Variants in PALS2 observed in about 807,000 individuals in gnomAD.
PALS2 encodes protein PALS2.
In PALS2, 27 loss-of-function variants were observed where a neutral mutation model predicts 61.6. That is an observed-to-expected ratio of 0.44 (90% CI 0.32 to 0.60). The LOEUF (loss-of-function observed/expected upper bound fraction) is 0.60, where lower values mean the gene tolerates loss of function less well. PALS2 is among the 20% of genes least tolerant of loss of function. PALS2 has a pLI of 0.05. For missense variants in PALS2, 554 were observed against 639.4 expected, an observed-to-expected ratio of 0.87 and a Z score of 1.44; for synonymous variants, 236 against 218.6, an observed-to-expected ratio of 1.08 and a Z score of -0.70.
At chr7:24,649,856 A>G in intron 4 of PALS2, 92 bp downstream of exon 4, 1 of 1,221,132 alleles carries the variant, frequency 8.2e-7, no homozygotes, top group Non-Finnish European at 1.1e-6. Context: ...TTTCCTTTTC[A>G]TAATGTTATG....
chr7:24,626,443 C>T (rs1223781199), intron 2 of PALS2, among the ~76,000 whole-genome samples: 2 of 151,966 alleles, frequency 1.3e-5, no homozygotes, highest in Non-Finnish European at 2.9e-5. Context: ...CACTTTATTC[C>T]CCTTTGCAGT....
chr7:24,609,134 A>G (rs1332713614), intron 1 of PALS2, among the ~76,000 whole-genome samples: 1 of 152,130 alleles, frequency 6.6e-6, no homozygotes, highest in African/African-American at 2.4e-5. Flanking sequence ...GCTGTCACTG[A>G]TGTTTTCTTC....
At position 24,638,335 on chromosome 7, in the gene PALS2, T is replaced by C. The variant is rs1234095105; in HGVS notation, c.118-3381T>C. Among the ~76,000 whole-genome samples the C allele has an allele frequency of 0.017, 141 of 8,514 alleles. 54 individuals carry two copies. The African/African-American group carries it at 0.36, about 22-fold the overall frequency. The allele number at this position is 8,514 out of a possible 152,430, so 5.6% of individuals were successfully genotyped here. On this transcript the variant is annotated intron_variant, in intron 2 of 11. Coordinates refer to ENST00000222644, the MANE Select transcript of PALS2 (RefSeq NM_001303037.2). ...TTTCTGTATTTTCTTTTTTTTTTTT[T>C]TTTTTTTTTTTTTGAGACGGAGTCT... is the stretch of plus-strand genomic sequence containing the variant.
intron 1 of PALS2, among the ~76,000 whole-genome samples, chr7:24,586,400 T>C (rs1001127428): frequency 3.9e-5 from 6 of 152,232 alleles, no homozygotes; most frequent in Non-Finnish European, 8.8e-5. Context: ...AGCTCTAAAA[T>C]TTTGATTCTG....
In PALS2 at chr7:24,596,298, G is replaced by A. The variant is rs755868007; in HGVS notation, c.-3+22705G>A. Among the ~76,000 whole-genome samples the A allele has an allele frequency of 2.6e-5, 4 of 152,040 alleles. No individual in the cohort carries two copies. The highest frequency in any genetic ancestry group is 4.1e-4 in the South Asian group (2 of 4,820). Reference sequence around the variant, plus strand: ...AGTGAATGGGCAAGGGAGTCAGATGGCTTTTCTTCAGTCACCTCCATTGTG... The same window carrying A: ...AGTGAATGGGCAAGGGAGTCAGATGACTTTTCTTCAGTCACCTCCATTGTG... On this transcript the variant is annotated intron_variant, in intron 1 of 11. Transcript: ENST00000222644. This position sits in a 1 kb window ranked among gnomAD's most constrained non-coding sequence, Gnocchi z 4.5.
intron 9 of PALS2, among the ~76,000 whole-genome samples, chr7:24,669,462 C>G (rs1255709605): frequency 6.6e-6 from 1 of 152,146 alleles, no homozygotes; most frequent in African/African-American, 2.4e-5. Flanking sequence ...TACTTGTGAA[C>G]TTAGATGTTC....
intron 1 of PALS2, among the ~76,000 whole-genome samples, chr7:24,585,367 G>A (rs1244387199): frequency 1.3e-5 from 2 of 152,074 alleles, no homozygotes; most frequent in Non-Finnish European, 1.5e-5. Flanking sequence ...TCTCCTTGAA[G>A]AGGTCCTTCA....
At chr7:24,601,164 A>T (rs1461548241) in intron 1 of PALS2, among the ~76,000 whole-genome samples, 1 of 152,078 alleles carries the variant, frequency 6.6e-6, no homozygotes, top group Non-Finnish European at 1.5e-5. Context: ...ATTTTCCTTC[A>T]CCACGTATGC....
At chr7:24,595,772 A>G (rs1039034876) in intron 1 of PALS2, among the ~76,000 whole-genome samples, 32 of 151,122 alleles carry the variant, frequency 2.1e-4, no homozygotes, top group African/African-American at 7.1e-4. Flanking sequence ...GTGGTAGCGT[A>G]GTTTAGATTG....
chr7:24,625,291 C>T (rs1472643197), intron 2 of PALS2, among the ~76,000 whole-genome samples: 1 of 152,112 alleles, frequency 6.6e-6, no homozygotes, highest in Non-Finnish European at 1.5e-5. Flanking sequence ...AGCTGTTACA[C>T]TGTTATCTCC....
intron 5 of PALS2, among the ~76,000 whole-genome samples, chr7:24,662,917 AAC>A (rs375634130): frequency 1.3e-5 from 2 of 152,214 alleles, no homozygotes; most frequent in African/African-American, 4.8e-5. Context: ...GATCATAACT[AAC>A]AGTGTTAACT....
At chr7:24,604,266 G>A (rs1783820690) in intron 1 of PALS2, among the ~76,000 whole-genome samples, 3 of 148,920 alleles carry the variant, frequency 2.0e-5, no homozygotes, top group Admixed American at 2.0e-4. Context: ...TGAACAAGAT[G>A]CTAACAGGAC....
chr7:24,574,154 C>T (rs548603395), intron 1 of PALS2: 46 of 152,430 alleles, frequency 3.0e-4, no homozygotes, highest in African/African-American at 1.1e-3. Flanking sequence ...GGGGAGGAGG[C>T]TTTCTCCAAC....
At position 24,596,132 on chromosome 7, in the gene PALS2, C is replaced by G. The variant is rs925671866; in HGVS notation, c.-3+22539C>G. 1.3e-5 allele frequency among the ~76,000 whole-genome samples: 2 copies of G among 152,012 alleles called. No homozygotes were observed. The highest frequency in any genetic ancestry group is 4.8e-5 in the African/African-American group (2 of 41,402). On this transcript the variant is annotated intron_variant, in intron 1 of 11. Coordinates refer to ENST00000222644, the MANE Select transcript of PALS2 (RefSeq NM_001303037.2). This position sits in a 1 kb window ranked among gnomAD's most constrained non-coding sequence, Gnocchi z 4.5. ...AGTTTTAGCAGGAGAGTAACAAAATCTGTTTTGTGTTTTAAAATGATGGCT... is the reference window on the plus strand; with the variant it reads ...AGTTTTAGCAGGAGAGTAACAAAATGTGTTTTGTGTTTTAAAATGATGGCT...
In PALS2 at chr7:24,690,539, C is replaced by G. The variant is rs1788420347; in HGVS notation, c.*2925C>G. ...TCAGCACTCAGGGCATGACTGTACA[C>G]AACCTAAGACTATATATATATTTTT... On this transcript the variant is annotated 3_prime_UTR_variant, in exon 12 of 12. Transcript: ENST00000222644. 1 of 152,174 alleles carries G rather than the reference C, an allele frequency of 6.6e-6. No homozygotes were observed. The highest frequency in any genetic ancestry group is 2.1e-4 in the South Asian group (1 of 4,828). 9.4% of individuals were successfully genotyped at this position (152,174 alleles called of 1,614,324 possible). A position where few individuals can be genotyped will look rare whatever the true frequency, so the allele number is the denominator to read the frequency against.
At position 24,663,378 on chromosome 7, in the gene PALS2, TTAAAG is replaced by T. The variant is rs201700391; in HGVS notation, c.652-209_652-205del. On this transcript the variant is annotated intron_variant, in intron 5 of 11. Coordinates refer to ENST00000222644, the MANE Select transcript of PALS2 (RefSeq NM_001303037.2). ...ACTCTTGTTGATTTAAAGTTAGATA[TTAAAG>T]TAGAGAAGAAGTTTTATTATCTTTC... 281 of 372,790 alleles carry T rather than the reference TTAAAG, an allele frequency of 7.5e-4. 2 individuals are homozygous for T. In the East Asian group the frequency reaches 0.013, roughly 17 times the overall value. The allele number at this position is 372,790 out of a possible 1,614,324, so 23.1% of individuals were successfully genotyped here. A position where few individuals can be genotyped will look rare whatever the true frequency, so the allele number is the denominator to read the frequency against.
chr7:24,647,983 C>G (rs991960164), intron 3 of PALS2, among the ~76,000 whole-genome samples: 1 of 152,082 alleles, frequency 6.6e-6, no homozygotes, highest in African/African-American at 2.4e-5. Context: ...GTAAATGAAA[C>G]TGCCAAAGGA....
chr7:24,669,803 G>A (rs1444418636), intron 9 of PALS2, among the ~76,000 whole-genome samples: 1 of 152,080 alleles, frequency 6.6e-6, no homozygotes, highest in Non-Finnish European at 1.5e-5. Flanking sequence ...TCTACTGCAG[G>A]CATTGTAAAT....
chr7:24,686,006 T>A (rs770460530), intron 11 of PALS2, among the ~76,000 whole-genome samples: 5 of 152,116 alleles, frequency 3.3e-5, no homozygotes, highest in Non-Finnish European at 7.4e-5. Flanking sequence ...CTCACAGACA[T>A]CTTAAGCTTA....
Sources: allele counts gnomAD v4.1 joint callset (sites outside exome capture counted in the v4.1 genomes callset), GRCh38; gene constraint gnomAD v4.1.1; non-coding constraint Gnocchi (gnomAD v3.1); transcripts MANE v1.5; gene names NCBI Gene and HGNC (gene_info 2026-07-23, HGNC 2026-07-21).